UGGT2: variants seen among roughly 807,000 people sequenced by gnomAD.
UGGT2 encodes the protein UDP-glucose glycoprotein glucosyltransferase 2, also known as UDP-glucose:glycoprotein glucosyltransferase 2.
UGGT2 carries 180 observed loss-of-function variants against 192.1 expected under a neutral mutation model. That is an observed-to-expected ratio of 0.94 (90% CI 0.83 to 1.06). The LOEUF is 1.06. UGGT2 is among the 50% of genes least tolerant of loss of function. UGGT2 has a pLI of 0.00. For missense variants in UGGT2, 1,849 were observed against 1,795.7 expected (o/e 1.03, Z -0.54); for synonymous variants, 580 against 591.0 (o/e 0.98, Z 0.27).
At chr13:95,965,867 G>C (rs187761729) in intron 12 of UGGT2, among the ~76,000 whole-genome samples, 53 of 152,132 alleles carry the variant, frequency 3.5e-4, no homozygotes, top group African/African-American at 1.3e-3. Flanking sequence ...AGTTAGAATG[G>C]CTATCATTAA....
intron 8 of UGGT2, 150 bp from the exon 9 acceptor site, chr13:95,986,582 T>C (rs887040442): frequency 1.4e-5 from 7 of 511,984 alleles, no homozygotes; most frequent in Non-Finnish European, 2.3e-5. Flanking sequence ...TTAAAAAGTT[T>C]TAAATGTAAA....
rs370852055 is a variant in UGGT2 at position 95,927,972 on chromosome 13, G to A, written c.1978-636C>T. 4.5e-4 allele frequency among the ~76,000 whole-genome samples: 68 copies of A among 152,194 alleles called. 1 individual carries two copies. The East Asian group carries it at 0.01, about 23-fold the overall frequency. On this transcript the variant is annotated intron_variant, in intron 17 of 38. Transcript: ENST00000376747. ...ACACAGCACATGTTTCAGAGAGCAC[G>A]GGGTTGGGGGTAAGGTTATAGATTA...
chr13:96,036,092 A>G (rs1474836178), intron 1 of UGGT2, among the ~76,000 whole-genome samples: 2 of 152,246 alleles, frequency 1.3e-5, no homozygotes, highest in African/African-American at 4.8e-5. Flanking sequence ...TATTATGAAT[A>G]TACATGCACA....
At chr13:95,901,172 G>T (rs1257326929) in intron 21 of UGGT2, among the ~76,000 whole-genome samples, 1 of 151,874 alleles carries the variant, frequency 6.6e-6, no homozygotes, top group African/African-American at 2.4e-5. Context: ...CATTCTTTGA[G>T]AATTTCAGGG....
intron 9 of UGGT2, among the ~76,000 whole-genome samples, chr13:95,984,555 C>T (rs964345130): frequency 1.3e-5 from 2 of 152,050 alleles, no homozygotes; most frequent in Admixed American, 1.3e-4. Context: ...GTCTAAAACT[C>T]CTGGCCTCAA....
chr13:95,900,940 T>TA lies in UGGT2; in HGVS notation c.2503-3dup, dbSNP rs1445247089. On this transcript the variant is annotated splice_region_variant and splice_polypyrimidine_tract_variant and intron_variant, in intron 21 of 38. Transcript: ENST00000376747. ...CTCAAAAGCATTCTTATCCATCCCC[T>TA]AAAGCAAAAGTTAAGACTGATGAAA... The TA allele has an allele frequency of 6.3e-7, 1 of 1,579,798 alleles. No individual in the cohort carries two copies. Among genetic ancestry groups the TA allele is most frequent in the East Asian group, 2.3e-5 (1 of 43,830 alleles).
intron 20 of UGGT2, among the ~76,000 whole-genome samples, chr13:95,908,710 T>C (rs1167280051): frequency 1.4e-5 from 2 of 144,888 alleles, no homozygotes; most frequent in African/African-American, 2.6e-5. Flanking sequence ...ATGATGAGCA[T>C]TTTTTCATGT....
chr13:95,851,842 A>C (rs1488840087), intron 36 of UGGT2, among the ~76,000 whole-genome samples: 1 of 152,196 alleles, frequency 6.6e-6, no homozygotes, highest in Non-Finnish European at 1.5e-5. Context: ...TCAGTTGTCC[A>C]TAGGCAGATA....
intron 1 of UGGT2, among the ~76,000 whole-genome samples, chr13:96,035,769 C>T (rs553685392): frequency 2.6e-5 from 4 of 152,130 alleles, no homozygotes; most frequent in Admixed American, 6.5e-5. Context: ...AGACACTTAT[C>T]AAAATAAAAC....
intron 30 of UGGT2, 145 bp downstream of exon 30, chr13:95,867,193 CT>C: frequency 2.8e-6 from 2 of 714,812 alleles, no homozygotes; most frequent in South Asian, 1.9e-5. Flanking sequence ...TAATCCTCTT[CT>C]TTTTTTACTG....
intron 38 of UGGT2, among the ~76,000 whole-genome samples, chr13:95,831,327 C>T (rs538694659): frequency 1.3e-5 from 2 of 152,138 alleles, no homozygotes; most frequent in South Asian, 4.1e-4. Flanking sequence ...TACTTATATA[C>T]ATATCTATAC....
At chr13:96,021,168 A>G (rs1280050098) in intron 4 of UGGT2, among the ~76,000 whole-genome samples, 3 of 152,240 alleles carry the variant, frequency 2.0e-5, no homozygotes, top group African/African-American at 7.2e-5. Flanking sequence ...CACTGCAAAC[A>G]CAACCCTGAG....
chr13:95,925,108 T>G lies in UGGT2; in HGVS notation c.2295+572A>C, dbSNP rs1365995777. ...TTGGTTTATGTTTCTTAAGTATTTT[T>G]TATCTAGATAAACTTATATATTAAC... On this transcript the variant is annotated intron_variant, in intron 20 of 38. Coordinates refer to ENST00000376747, the MANE Select transcript of UGGT2 (RefSeq NM_020121.4). Among the ~76,000 whole-genome samples, 10 of 152,184 alleles carry G rather than the reference T, an allele frequency of 6.6e-5. No homozygotes were observed. In the East Asian group the frequency reaches 1.5e-3, roughly 23 times the overall value.
chr13:95,863,174 T>C (rs1399181492), intron 31 of UGGT2, among the ~76,000 whole-genome samples: 1 of 152,174 alleles, frequency 6.6e-6, no homozygotes, highest in Admixed American at 6.6e-5. Flanking sequence ...GTGTTCCTTT[T>C]TAAACTAACA....
chr13:95,872,578 T>A (rs868535599), intron 29 of UGGT2, among the ~76,000 whole-genome samples: 31 of 152,164 alleles, frequency 2.0e-4, no homozygotes, highest in African/African-American at 7.5e-4. Flanking sequence ...TTTTTTTGCA[T>A]TTTGGATAGC....
chr13:96,046,141 T>C (rs2053303165), intron 1 of UGGT2, among the ~76,000 whole-genome samples: 1 of 152,118 alleles, frequency 6.6e-6, no homozygotes, highest in Non-Finnish European at 1.5e-5. Context: ...AACAGGCACA[T>C]AGACCAATGG....
rs549880997 is a variant in UGGT2 at position 95,862,629 on chromosome 13, T to C, written c.3644+1000A>G. On this transcript the variant is annotated intron_variant, in intron 31 of 38. Transcript: ENST00000376747. ...CAGTTCAGTTTGGGACACACAGCTATAGTTGGACCCATGAGTCAGCCTTGG... is the reference window on the plus strand; with the variant it reads ...CAGTTCAGTTTGGGACACACAGCTACAGTTGGACCCATGAGTCAGCCTTGG... 7.9e-5 allele frequency among the ~76,000 whole-genome samples: 12 copies of C among 152,258 alleles called. No individual in the cohort carries two copies. In the South Asian group the frequency reaches 8.3e-4, roughly 11 times the overall value.
chr13:96,046,190 C>T (rs2053304478), intron 1 of UGGT2, among the ~76,000 whole-genome samples: 1 of 152,086 alleles, frequency 6.6e-6, no homozygotes. Flanking sequence ...CAAATACTTC[C>T]AGCCAACTGA....
intron 2 of UGGT2, among the ~76,000 whole-genome samples, chr13:96,025,604 T>C (rs1000210960): frequency 6.6e-6 from 1 of 152,178 alleles, no homozygotes; most frequent in Admixed American, 6.5e-5. Context: ...AGATTTCCTC[T>C]AGTCAGTTAT....
Sources: gnomAD v4.1 joint callset for allele counts (sites outside exome capture counted in the v4.1 genomes callset) on GRCh38, gnomAD v4.1.1 for gene constraint, MANE v1.5 for transcripts, NCBI Gene and HGNC (gene_info 2026-07-23, HGNC 2026-07-21) for gene names.